Variants in RNF111 observed in about 807,000 individuals in gnomAD.
RNF111 encodes E3 ubiquitin-protein ligase Arkadia.
Under a neutral mutation model 95.1 loss-of-function variants are expected in RNF111, and 17 were observed. The ratio of observed to expected loss-of-function variants is 0.18; its 90% CI spans 0.12 to 0.27. The LOEUF is 0.27. RNF111 is among the 10% of genes least tolerant of loss of function. RNF111 has a pLI of 1.00. For synonymous variants in RNF111, 440 were observed against 414.8 expected, an observed-to-expected ratio of 1.06 and a Z score of -0.74; for missense variants, 1,189 against 1,210.4, an observed-to-expected ratio of 0.98 and a Z score of 0.26.
At chr15:59,067,133 C>G (rs1219818405) in intron 6 of RNF111, 50 bp downstream of exon 6, 1 of 1,428,364 alleles carries the variant, frequency 7.0e-7, no homozygotes, top group Non-Finnish European at 9.7e-7. Context: ...TTGTCTCTCT[C>G]TCTCTCTCCT....
At chr15:59,033,854 TGAGAA>T (rs2041035666) in intron 2 of RNF111, among the ~76,000 whole-genome samples, 1 of 152,170 alleles carries the variant, frequency 6.6e-6, no homozygotes, top group Admixed American at 6.5e-5. Context: ...CCCTCAAACA[TGAGAA>T]ACAGAAATCC....
At chr15:59,055,656 C>G (rs573904706) in intron 3 of RNF111, 26 bp from the exon 4 acceptor site, 24 of 1,499,828 alleles carry the variant, frequency 1.6e-5, no homozygotes, top group Admixed American at 6.3e-5. Flanking sequence ...TTTATATTTA[C>G]TAACTTAATA....
At chr15:59,044,071 C>T (rs1203535813) in intron 2 of RNF111, among the ~76,000 whole-genome samples, 2 of 152,152 alleles carry the variant, frequency 1.3e-5, no homozygotes, top group Admixed American at 6.6e-5. Flanking sequence ...GCTTTTGCCG[C>T]CCAGGCTGGA....
Position 59,030,827 on chromosome 15 carries a change from C to G in RNF111, c.5C>G (p.Ser2Cys), listed in dbSNP as rs868804512. The G allele has an allele frequency of 6.4e-7, 1 of 1,558,224 alleles. No individual in the cohort carries two copies. The highest frequency in any genetic ancestry group is 1.5e-5 in the African/African-American group (1 of 64,616). The change falls in exon 2 of 14, where the codon TCT becomes TGT. Residue 2 changes from serine to cysteine, a missense_variant. Ser to Cys is a moderately radical substitution (Grantham distance 112, BLOSUM62 -1). Around this residue, in one of 2 missense-constraint regions of RNF111, gnomAD observed 1,024 missense variants for 925.9 expected, o/e 1.11. Coordinates refer to ENST00000348370, the MANE Select transcript of RNF111 (RefSeq NM_017610.8). ...AGGCTTTCCTTAAAGTTTCCCATGT[C>G]TCAATGGACTCCTGAATATAACGAG... M[S>C]QWTPEYNELY... is the part of the protein sequence containing the mutation.
At position 59,067,047 on chromosome 15, in the gene RNF111, A is replaced by G; in HGVS notation, c.1650A>G (p.Gly550=). The G allele has an allele frequency of 1.2e-6, 2 of 1,614,020 alleles. No homozygotes were observed. Among genetic ancestry groups the G allele is most frequent in the Middle Eastern group, 3.3e-4 (2 of 6,062 alleles). ...CTCCACAAGTACAAGCACCTTGTGG[A>G]GCAAATAGTAGTTCTGGTACCAGCT... The part of the protein sequence containing the change: ...ERPPQVQAPC[G]ANSSSGTSYH... The change falls in exon 6 of 14, where the codon GGA becomes GGG. Residue 550 remains glycine, a synonymous_variant. Transcript: ENST00000348370.
chr15:59,006,743 TAC>T (rs1401583737), intron 1 of RNF111, among the ~76,000 whole-genome samples: 2 of 152,312 alleles, frequency 1.3e-5, no homozygotes, highest in South Asian at 2.1e-4. Context: ...CGTAAAAAAC[TAC>T]AGTTTCATGT....
At chr15:59,014,378 A>G (rs1270773665) in intron 1 of RNF111, among the ~76,000 whole-genome samples, 1 of 151,488 alleles carries the variant, frequency 6.6e-6, no homozygotes, top group Admixed American at 6.6e-5. Context: ...GCCCTTTTTG[A>G]CTCCTCAGTT....
chr15:59,091,923 T>C (rs2121236), intron 12 of RNF111, among the ~76,000 whole-genome samples: 61,198 of 152,062 alleles, frequency 0.4, 14,168 homozygotes, highest in African/African-American at 0.64. Flanking sequence ...CTATCGCTGC[T>C]GCTGATCTGA....
At chr15:59,063,032 T>C (rs2042508016) in intron 5 of RNF111, among the ~76,000 whole-genome samples, 2 of 152,206 alleles carry the variant, frequency 1.3e-5, no homozygotes, top group Admixed American at 1.3e-4. Context: ...TAGAACCCAG[T>C]GTTTCTGTTC....
intron 1 of RNF111, among the ~76,000 whole-genome samples, chr15:58,991,429 C>G (rs1167303268): frequency 6.6e-6 from 1 of 152,228 alleles, no homozygotes; most frequent in Non-Finnish European, 1.5e-5. Flanking sequence ...AGTGAAGGCA[C>G]TCTGCCTTCA....
rs932922855 is a variant in RNF111 at position 58,993,548 on chromosome 15, A to G, written c.-20+5480A>G. Among the ~76,000 whole-genome samples, 6 of 152,150 alleles carry G rather than the reference A, an allele frequency of 3.9e-5. No individual in the cohort carries two copies. The East Asian group carries it at 1.2e-3, about 29-fold the overall frequency. ...GTGAGACTCCATCTCAAAATTTGTG[A>G]AAGTACCATATTTAAGTGTCTGTTC... On this transcript the variant is annotated intron_variant, in intron 1 of 13. Coordinates refer to ENST00000348370, the MANE Select transcript of RNF111 (RefSeq NM_017610.8).
chr15:59,034,417 GATA>G (rs1457107640), intron 2 of RNF111, among the ~76,000 whole-genome samples: 1 of 152,180 alleles, frequency 6.6e-6, no homozygotes, highest in Admixed American at 6.5e-5. Flanking sequence ...ATGTCGTGAT[GATA>G]ATAAAAATAT....
At position 59,022,115 on chromosome 15, in the gene RNF111, C is replaced by T. The variant is rs1163448930; in HGVS notation, c.-19-8689C>T. ...CCTAAAGTGATCTCCCCGCCTTGGC[C>T]GCCCAAAGTGCTGGGATTACAAGCA... On this transcript the variant is annotated intron_variant, in intron 1 of 13. Transcript: ENST00000348370. Among the ~76,000 whole-genome samples the T allele has an allele frequency of 2.6e-5, 4 of 152,146 alleles. No homozygotes were observed. The East Asian group carries it at 7.7e-4, about 29-fold the overall frequency.
At chr15:59,079,655 CTT>C (rs36057944) in intron 7 of RNF111, among the ~76,000 whole-genome samples, 104 of 145,708 alleles carry the variant, frequency 7.1e-4, no homozygotes, top group Middle Eastern at 3.5e-3. Context: ...CTAAGACAAA[CTT>C]TTTTTTTTTT....
chr15:59,018,647 TTAAG>T, intron 1 of RNF111, among the ~76,000 whole-genome samples: 1 of 152,258 alleles, frequency 6.6e-6, no homozygotes, highest in South Asian at 2.1e-4. Context: ...TCCCAAACTG[TTAAG>T]TGTGTATTTT....
chr15:59,020,786 T>C (rs924102344), intron 1 of RNF111, among the ~76,000 whole-genome samples: 4 of 152,260 alleles, frequency 2.6e-5, no homozygotes, highest in African/African-American at 9.6e-5. Flanking sequence ...CAGTCCTCCA[T>C]AATAGAGGAA....
At chr15:59,011,299 A>G (rs1405254527) in intron 1 of RNF111, among the ~76,000 whole-genome samples, 1 of 152,202 alleles carries the variant, frequency 6.6e-6, no homozygotes, top group Non-Finnish European at 1.5e-5. Flanking sequence ...CATAACACTT[A>G]TACTGCATTT....
intron 1 of RNF111, among the ~76,000 whole-genome samples, chr15:58,994,923 A>G (rs1276022737): frequency 1.3e-5 from 2 of 152,228 alleles, no homozygotes; most frequent in Non-Finnish European, 2.9e-5. Flanking sequence ...AACTTTGATA[A>G]TATTAATCTA....
intron 2 of RNF111, among the ~76,000 whole-genome samples, chr15:59,036,025 A>G (rs2041159210): frequency 6.6e-6 from 1 of 152,118 alleles, no homozygotes; most frequent in Non-Finnish European, 1.5e-5. Context: ...GTTCATTCTC[A>G]TGTTGCTAAT....
Sources: allele counts gnomAD v4.1 joint callset (sites outside exome capture counted in the v4.1 genomes callset), GRCh38; gene constraint gnomAD v4.1.1; regional missense constraint gnomAD v4.1.1; transcripts MANE v1.5; gene names NCBI Gene and HGNC (gene_info 2026-07-23, HGNC 2026-07-21).